The following PCDHA1 variants were observed in gnomAD, a reference collection of about 807,000 sequenced individuals.
PCDHA1 encodes protocadherin alpha-1.
A neutral mutation model predicts 61.3 loss-of-function variants in PCDHA1; 42 were observed. The ratio of observed to expected loss-of-function variants is 0.69; its 90% confidence interval spans 0.54 to 0.89. The LOEUF is 0.89. PCDHA1 is among the 40% of genes least tolerant of loss of function. The pLI, the probability that PCDHA1 is intolerant of heterozygous loss-of-function variation, is 0.00. For synonymous variants in PCDHA1, 610 were observed against 553.8 expected, an observed-to-expected ratio of 1.10 and a Z score of -1.43; for missense variants, 1,256 against 1,235.3, an observed-to-expected ratio of 1.02 and a Z score of -0.25.
At chr5:140,883,121 G>C in intron 1 of PCDHA1, 12 of 1,614,070 alleles carry the variant, frequency 7.4e-6, no homozygotes, top group Non-Finnish European at 1.0e-5. Context: ...TAGAAGGCCT[G>C]TATGGCCTGC....
chr5:140,906,377 A>G (rs1322510294), intron 1 of PCDHA1, among the ~76,000 whole-genome samples: 3 of 152,264 alleles, frequency 2.0e-5, no homozygotes, highest in Admixed American at 6.5e-5. Flanking sequence ...ATGCTATTAC[A>G]TAAAGTTAAC....
intron 1 of PCDHA1, chr5:140,969,353 C>T (rs781980010): frequency 3.7e-6 from 6 of 1,612,562 alleles, no homozygotes; most frequent in Non-Finnish European, 4.2e-6. Context: ...GTCAGGGGGT[C>T]TTCTACAAAC....
chr5:140,911,509 A>G (rs1378667100), intron 1 of PCDHA1, among the ~76,000 whole-genome samples: 1 of 152,214 alleles, frequency 6.6e-6, no homozygotes, highest in Admixed American at 6.5e-5. Flanking sequence ...GAGGTTCAGT[A>G]TCTGCTTCTG....
intron 1 of PCDHA1, among the ~76,000 whole-genome samples, chr5:140,908,224 C>T (rs2073867832): frequency 6.6e-6 from 1 of 152,160 alleles, no homozygotes; most frequent in Admixed American, 6.5e-5. Flanking sequence ...GTGAACCAGT[C>T]CTTAGTCTTC....
intron 1 of PCDHA1, chr5:140,822,078 C>T (rs1554128433): frequency 6.2e-7 from 1 of 1,614,102 alleles, no homozygotes; most frequent in Admixed American, 1.7e-5. Flanking sequence ...GGGCGGAGTG[C>T]AGCATCCACC....
intron 1 of PCDHA1, chr5:140,883,520 G>T (rs1554178526): frequency 6.2e-7 from 1 of 1,614,104 alleles, no homozygotes; most frequent in African/African-American, 1.3e-5. Context: ...CCGCGAGAGC[G>T]TATCAGCCTA....
chr5:140,823,446 G>A, intron 1 of PCDHA1: 1 of 1,613,446 alleles, frequency 6.2e-7, no homozygotes, highest in South Asian at 1.1e-5. Flanking sequence ...TGCTGGACGA[G>A]AACGACAACG....
At chr5:140,881,361 C>A (rs990387338) in intron 1 of PCDHA1, 6 of 985,126 alleles carry the variant, frequency 6.1e-6, no homozygotes, top group Non-Finnish European at 7.2e-6. Context: ...GCGTGGCTTT[C>A]GTATGAATTG....
At chr5:140,828,569 G>C in intron 1 of PCDHA1, 1 of 1,614,252 alleles carries the variant, frequency 6.2e-7, no homozygotes, top group Non-Finnish European at 8.5e-7. Flanking sequence ...CGCGTCCGAT[G>C]CAGATGTTGG....
chr5:140,842,286 C>T lies in PCDHA1; in HGVS notation c.2394+53602C>T, dbSNP rs1554138940. 21 of 1,610,290 alleles carry T rather than the reference C, an allele frequency of 1.3e-5. 1 individual carries two copies. The highest frequency in any genetic ancestry group is 1.5e-5 in the Non-Finnish European group (18 of 1,176,908). On this transcript the variant is annotated intron_variant, in intron 1 of 3. Transcript: ENST00000504120. ...AACTTATACAAAATCCTCATTGACG[C>T]CACGGACAAAGGCCATCCTCCCATG...
At chr5:140,830,134 G>C in intron 1 of PCDHA1, 2 of 1,613,336 alleles carry the variant, frequency 1.2e-6, no homozygotes, top group Non-Finnish European at 1.7e-6. Flanking sequence ...CGTCATCACG[G>C]GCGTCGGTGG....
chr5:140,803,153 G>A (rs1554122598), intron 1 of PCDHA1: 2 of 1,613,878 alleles, frequency 1.2e-6, no homozygotes, highest in East Asian at 2.2e-5. Context: ...TGCTGGTGAA[G>A]GACCACGGTG....
At chr5:140,802,428 A>T in intron 1 of PCDHA1, 1 of 1,614,230 alleles carries the variant, frequency 6.2e-7, no homozygotes, top group Non-Finnish European at 8.5e-7. Context: ...GGTGCTGGAC[A>T]GCCCTCTGGA....
chr5:140,967,529 C>A, intron 1 of PCDHA1: 1 of 1,613,244 alleles, frequency 6.2e-7, no homozygotes, highest in South Asian at 1.1e-5. Context: ...CGACAACTCT[C>A]CTGCCTTTGA....
At chr5:140,929,414 A>T (rs1174756115) in intron 1 of PCDHA1, 15 of 1,504,422 alleles carry the variant, frequency 1.0e-5, no homozygotes, top group Non-Finnish European at 1.3e-5. Context: ...GCCTTTCACA[A>T]CATTTCATCA....
chr5:140,869,243 G>A (rs1554162716), intron 1 of PCDHA1: 10 of 1,613,544 alleles, frequency 6.2e-6, no homozygotes, highest in African/African-American at 2.7e-5. Flanking sequence ...TTCGTGGGCC[G>A]CATCGCGCAG....
intron 1 of PCDHA1, chr5:140,823,068 G>T (rs2150121914): frequency 3.1e-6 from 5 of 1,614,034 alleles, no homozygotes; most frequent in South Asian, 1.1e-5. Flanking sequence ...ACGGGGGCTC[G>T]CCTTCGCTGT....
At chr5:140,789,358 A>C (rs1163780932) in intron 1 of PCDHA1, among the ~76,000 whole-genome samples, 1 of 152,156 alleles carries the variant, frequency 6.6e-6, no homozygotes, top group Non-Finnish European at 1.5e-5. Flanking sequence ...AGGCTGAGGC[A>C]GGAGAATCGC....
chr5:140,805,212 T>C (rs1175777549), intron 1 of PCDHA1: 1 of 1,422,146 alleles, frequency 7.0e-7, no homozygotes, highest in Non-Finnish European at 9.2e-7. Context: ...CAAATAAACA[T>C]TGTTTTCTAT....
Sources: allele counts gnomAD v4.1 joint callset (sites outside exome capture counted in the v4.1 genomes callset), GRCh38; gene constraint gnomAD v4.1.1; transcripts MANE v1.5; gene names NCBI Gene and HGNC (gene_info 2026-07-23, HGNC 2026-07-21).